EYS: variants seen among roughly 807,000 people sequenced by gnomAD.
EYS encodes the protein protein eyes shut homolog.
In EYS, 250 loss-of-function variants were observed where a neutral mutation model predicts 282.1. The ratio of observed to expected loss-of-function variants is 0.89; its 90% CI spans 0.80 to 0.98. The LOEUF (loss-of-function observed/expected upper bound fraction) is 0.98, where lower values mean the gene tolerates loss of function less well. Ranked by LOEUF, EYS falls within the 50% of genes least tolerant of loss-of-function variation. The probability of loss-of-function intolerance (pLI) is 0.00; values close to 1 mark genes in which losing one functional copy is unlikely to be tolerated. For synonymous variants in EYS, 1,355 were observed against 1,282.9 expected, an observed-to-expected ratio of 1.06 and a Z score of -1.20; for missense variants, 4,016 against 3,709.0, an observed-to-expected ratio of 1.08 and a Z score of -2.15.
chr6:64,131,028 C>T (rs921089735), intron 31 of EYS, among the ~76,000 whole-genome samples: 7 of 151,958 alleles, frequency 4.6e-5, no homozygotes, highest in East Asian at 3.9e-4. Context: ...CCACCATGCC[C>T]GGCTAATTTT....
intron 12 of EYS, among the ~76,000 whole-genome samples, chr6:65,219,699 T>G (rs1029035379): frequency 3.3e-5 from 5 of 152,070 alleles, no homozygotes; most frequent in African/African-American, 1.2e-4. Flanking sequence ...GATAAAGACA[T>G]GCAAGACTGG....
chr6:64,795,076 A>G (rs1774313477), intron 22 of EYS, among the ~76,000 whole-genome samples: 1 of 152,134 alleles, frequency 6.6e-6, no homozygotes, highest in South Asian at 2.1e-4. Context: ...CTCTACCAAA[A>G]ATTCAAAAAT....
intron 26 of EYS, among the ~76,000 whole-genome samples, chr6:64,566,461 A>C (rs1462573216): frequency 6.6e-6 from 1 of 152,176 alleles, no homozygotes; most frequent in Non-Finnish European, 1.5e-5. Context: ...GTTAATAATA[A>C]GCAATGTTTA....
chr6:65,085,313 T>C (rs1774334887), intron 12 of EYS, among the ~76,000 whole-genome samples: 1 of 152,136 alleles, frequency 6.6e-6, no homozygotes, highest in Non-Finnish European at 1.5e-5. Context: ...TGATCTGAAG[T>C]AAGGATCTCT....
chr6:64,916,503 G>C (rs887705532), intron 15 of EYS, among the ~76,000 whole-genome samples: 4 of 152,280 alleles, frequency 2.6e-5, no homozygotes, highest in African/African-American at 9.6e-5. Flanking sequence ...CATACCTACA[G>C]GTTTACATAT....
At chr6:63,949,391 G>T (rs958502414) in intron 35 of EYS, among the ~76,000 whole-genome samples, 11 of 152,056 alleles carry the variant, frequency 7.2e-5, no homozygotes, top group African/African-American at 2.7e-4. Flanking sequence ...TTTTGTACAT[G>T]CAGTTCCTCT....
chr6:64,889,567 A>C (rs137897861), intron 18 of EYS, among the ~76,000 whole-genome samples: 1 of 152,194 alleles, frequency 6.6e-6, no homozygotes, highest in African/African-American at 2.4e-5. Context: ...TGGATTGTGA[A>C]GATTTCATGG....
At chr6:65,543,989 T>C (rs1186704645) in intron 2 of EYS, among the ~76,000 whole-genome samples, 1 of 131,568 alleles carries the variant, frequency 7.6e-6, no homozygotes, top group Non-Finnish European at 1.7e-5. Context: ...CACTTATTAC[T>C]GAAAAAGAGA....
rs893993795 is a variant in EYS, at chr6:63,806,167, C to T, written c.7411+23G>A. 2.0e-5 allele frequency: 31 copies of T among 1,544,572 alleles called. No homozygotes were observed. The Admixed American group carries it at 4.5e-4, about 23-fold the overall frequency. ...TATTCTTAAAGGAGCGAGGCAAGTC[C>T]TAGAGGGTTCAGTTAATCTTACCAT... On this transcript the variant is annotated intron_variant, in intron 37 of 42. Coordinates refer to ENST00000503581, the MANE Select transcript of EYS (RefSeq NM_001142800.2).
At chr6:64,543,303 A>G (rs1384622931) in intron 26 of EYS, among the ~76,000 whole-genome samples, 1 of 152,090 alleles carries the variant, frequency 6.6e-6, no homozygotes. Flanking sequence ...TTACGGAAAA[A>G]CAGACTTTAA....
intron 29 of EYS, among the ~76,000 whole-genome samples, chr6:64,350,230 T>C (rs1272479705): frequency 1.3e-5 from 2 of 151,604 alleles, no homozygotes; most frequent in Non-Finnish European, 3.0e-5. Context: ...GGAATATAGA[T>C]TGAACAATTT....
intron 22 of EYS, among the ~76,000 whole-genome samples, chr6:64,726,157 G>T (rs1252609558): frequency 6.6e-6 from 1 of 151,456 alleles, no homozygotes; most frequent in Non-Finnish European, 1.5e-5. Flanking sequence ...AACCCTCGAG[G>T]GCCCAATTCA....
intron 1 of EYS, among the ~76,000 whole-genome samples, chr6:65,658,867 A>C (rs1012079889): frequency 1.3e-5 from 2 of 151,680 alleles, no homozygotes; most frequent in African/African-American, 4.8e-5. Context: ...AAAGGAAAGA[A>C]TACATTGTAT....
chr6:63,739,543 T>A (rs1646569957), intron 41 of EYS, among the ~76,000 whole-genome samples: 1 of 152,134 alleles, frequency 6.6e-6, no homozygotes. Context: ...CTTTGAACTC[T>A]CTGTTGGCAA....
At chr6:64,716,306 C>A (rs138963656) in intron 22 of EYS, among the ~76,000 whole-genome samples, 56 of 152,282 alleles carry the variant, frequency 3.7e-4, no homozygotes, top group African/African-American at 1.3e-3. Context: ...TTTCCTGGCA[C>A]GTAATCATTC....
At chr6:65,344,271 A>T (rs1344127005) in intron 9 of EYS, 94 bp from the exon 10 acceptor site, 1 of 1,087,612 alleles carries the variant, frequency 9.2e-7, no homozygotes, top group East Asian at 2.6e-5. Context: ...ACTTGAAAAG[A>T]TAAATTTGAC....
At chr6:65,320,697 C>T (rs1769450266) in intron 11 of EYS, among the ~76,000 whole-genome samples, 1 of 152,158 alleles carries the variant, frequency 6.6e-6, no homozygotes, top group Non-Finnish European at 1.5e-5. Flanking sequence ...CAGTAGATAG[C>T]CTCTAGGGCT....
At chr6:63,844,710 AT>A (rs888958022) in intron 36 of EYS, among the ~76,000 whole-genome samples, 5 of 148,680 alleles carry the variant, frequency 3.4e-5, no homozygotes, top group African/African-American at 9.9e-5. Context: ...GGGGCTGTTT[AT>A]TTTTTTCTTG....
intron 16 of EYS, among the ~76,000 whole-genome samples, chr6:64,908,128 T>C (rs1767886136): frequency 6.6e-6 from 1 of 152,204 alleles, no homozygotes; most frequent in African/African-American, 2.4e-5. Context: ...GCAGGATTTT[T>C]CTCAGCCCGT....
Sources: gnomAD v4.1 joint callset for allele counts (sites outside exome capture counted in the v4.1 genomes callset) on GRCh38, gnomAD v4.1.1 for gene constraint, MANE v1.5 for transcripts, NCBI Gene and HGNC (gene_info 2026-07-23, HGNC 2026-07-21) for gene names.